The following ERBB4 variants were observed in gnomAD, a reference collection of about 807,000 sequenced individuals.
ERBB4 encodes the protein receptor tyrosine-protein kinase erbB-4.
In ERBB4, 42 loss-of-function variants were observed where a neutral mutation model predicts 158.0. That is an observed-to-expected ratio of 0.27 (90% CI 0.21 to 0.34). The LOEUF (loss-of-function observed/expected upper bound fraction) is 0.34. ERBB4 is among the 10% of genes least tolerant of loss of function. The probability of loss-of-function intolerance (pLI) is 1.00; values close to 1 mark genes in which losing one functional copy is unlikely to be tolerated. For missense variants in ERBB4, 1,333 were observed against 1,624.1 expected, an observed-to-expected ratio of 0.82 and a Z score of 3.08; for synonymous variants, 583 against 558.7, an observed-to-expected ratio of 1.04 and a Z score of -0.61.
At chr2:211,865,997 A>G (rs934432440) in intron 3 of ERBB4, among the ~76,000 whole-genome samples, 5 of 152,332 alleles carry the variant, frequency 3.3e-5, no homozygotes, top group South Asian at 2.1e-4. Context: ...GATAAAAACT[A>G]TCAGGAGAAT....
rs565058651 is a variant in ERBB4 at position 211,666,595 on chromosome 2, C to A, written c.1717-1118G>T. ...TCGTCAGAGCAAAGAAAATTTAGAA[C>A]ACTTTGGTAAATGCTATCTTTCTTA... On this transcript the variant is annotated intron_variant, in intron 14 of 27. Coordinates refer to ENST00000342788, the MANE Select transcript of ERBB4 (RefSeq NM_005235.3). Among the ~76,000 whole-genome samples the A allele has an allele frequency of 1.8e-3, 271 of 152,212 alleles. No individual in the cohort carries two copies. The Middle Eastern group carries it at 0.044, about 25-fold the overall frequency.
intron 5 of ERBB4, among the ~76,000 whole-genome samples, chr2:211,740,181 T>C (rs775410579): frequency 3.9e-5 from 6 of 152,202 alleles, no homozygotes; most frequent in Non-Finnish European, 7.4e-5. Context: ...GTGGTCATAA[T>C]GCTCTATCAG....
At chr2:211,697,328 A>G (rs2073064145) in intron 12 of ERBB4, among the ~76,000 whole-genome samples, 1 of 152,250 alleles carries the variant, frequency 6.6e-6, no homozygotes, top group East Asian at 1.9e-4. Flanking sequence ...AAATGTCAAG[A>G]TGTGTTAAAA....
intron 1 of ERBB4, among the ~76,000 whole-genome samples, chr2:212,257,594 T>C (rs1363039715): frequency 2.0e-5 from 3 of 152,258 alleles, no homozygotes; most frequent in African/African-American, 7.2e-5. Context: ...AAAATGTTAA[T>C]ACCCTAAGCA....
chr2:211,673,528 A>AAAAAAAAAAAAAAAAAAAAAAAAAG (rs1432231391), intron 13 of ERBB4, among the ~76,000 whole-genome samples: 2 of 149,882 alleles, frequency 1.3e-5, no homozygotes, highest in South Asian at 4.3e-4. Flanking sequence ...AAAAAAAAAA[A>AAAAAAAAAAAAAAAAAAAAAAAAAG]AAGCTACAAA....
rs1346080277 is a variant in ERBB4 at position 211,381,882 on chromosome 2, CTT to C, written c.*1731_*1732del. The C allele has an allele frequency of 1.3e-5, 3 of 228,988 alleles. No homozygotes were observed. The highest frequency in any genetic ancestry group is 2.6e-5 in the Non-Finnish European group (3 of 115,520). The allele number at this position is 228,988 out of a possible 1,614,324, so 14.2% of individuals were successfully genotyped here. A position where few individuals can be genotyped will look rare whatever the true frequency, so the allele number is the denominator to read the frequency against. On this transcript the variant is annotated 3_prime_UTR_variant, in exon 28 of 28. Coordinates refer to ENST00000342788, the MANE Select transcript of ERBB4 (RefSeq NM_005235.3). ...GGGTAGAATTTTCAGAAAAGGGCGA[CTT>C]ATATCTAAGTTTCCTAATTATTGAT... is the stretch of plus-strand genomic sequence containing the variant.
At chr2:211,693,224 T>C (rs775257047) in intron 12 of ERBB4, among the ~76,000 whole-genome samples, 1 of 152,108 alleles carries the variant, frequency 6.6e-6, no homozygotes, top group Non-Finnish European at 1.5e-5. Flanking sequence ...TCAGAAGAGA[T>C]ATGTGTCAAA....
intron 1 of ERBB4, among the ~76,000 whole-genome samples, chr2:212,208,522 A>C (rs2082834281): frequency 6.6e-6 from 1 of 152,190 alleles, no homozygotes; most frequent in Non-Finnish European, 1.5e-5. Flanking sequence ...GACACAACTG[A>C]GAATTTAGAG....
intron 2 of ERBB4, among the ~76,000 whole-genome samples, chr2:211,979,976 G>GTCT (rs1414939292): frequency 5.3e-5 from 8 of 151,980 alleles, no homozygotes; most frequent in African/African-American, 1.9e-4. Context: ...TTTAATATAT[G>GTCT]TCTTCAAATA....
At chr2:212,446,793 G>A (rs2106003192) in intron 1 of ERBB4, among the ~76,000 whole-genome samples, 1 of 149,702 alleles carries the variant, frequency 6.7e-6, no homozygotes, top group Non-Finnish European at 1.5e-5. Context: ...TTTACCAATG[G>A]ATGAAATGTA....
chr2:211,992,660 A>G (rs2082108182), intron 2 of ERBB4, among the ~76,000 whole-genome samples: 1 of 152,102 alleles, frequency 6.6e-6, no homozygotes, highest in African/African-American at 2.4e-5. Flanking sequence ...CTGCTCAAGC[A>G]TTCCTATGGA....
At chr2:212,463,617 AGC>A (rs1460120333) in intron 1 of ERBB4, among the ~76,000 whole-genome samples, 2 of 150,682 alleles carry the variant, frequency 1.3e-5, no homozygotes, top group African/African-American at 4.9e-5. Context: ...AAAGAAAAAA[AGC>A]CTCAGAAGAC....
At chr2:212,162,701 C>T (rs1459932316) in intron 1 of ERBB4, among the ~76,000 whole-genome samples, 2 of 151,574 alleles carry the variant, frequency 1.3e-5, no homozygotes, top group East Asian at 3.9e-4. Context: ...GGTTAGAGGG[C>T]AATAATGAGG....
Position 211,947,539 on chromosome 2 carries a change from A to C in ERBB4, c.312T>G (p.Ile104Met). 4 of 1,613,880 alleles carry C rather than the reference A, an allele frequency of 2.5e-6. No homozygotes were observed. Among genetic ancestry groups the C allele is most frequent in the Non-Finnish European group, 3.4e-6 (4 of 1,179,894 alleles). The change falls in exon 3 of 28, where the codon ATT becomes ATG. Residue 104 changes from isoleucine to methionine, a missense_variant. Physicochemically the swap from Ile to Met is conservative, Grantham distance 10. Transcript: ENST00000342788. ...FRYLPLENLR[I>M]IRGTKLYEDR... ...CCTCATAAAGTTTTGTCCCACGAAT[A>C]ATGCGTAAATTCTCCAGAGGCAGGT...
intron 2 of ERBB4, among the ~76,000 whole-genome samples, chr2:212,107,500 C>T (rs1395687272): frequency 6.6e-6 from 1 of 152,068 alleles, no homozygotes; most frequent in Non-Finnish European, 1.5e-5. Flanking sequence ...GGCTCATAGG[C>T]AGAAGGGACT....
chr2:211,685,943 A>G (rs534564375), intron 12 of ERBB4, among the ~76,000 whole-genome samples: 1 of 152,316 alleles, frequency 6.6e-6, no homozygotes, highest in East Asian at 1.9e-4. Context: ...TTCAGATACA[A>G]TTAAACTTTG....
At chr2:212,197,049 G>A (rs1163700319) in intron 1 of ERBB4, among the ~76,000 whole-genome samples, 1 of 151,984 alleles carries the variant, frequency 6.6e-6, no homozygotes, top group Admixed American at 6.6e-5. Context: ...TTGACCAGTT[G>A]CTGCCTGCTG....
At chr2:212,510,513 T>C (rs570127446) in intron 1 of ERBB4, among the ~76,000 whole-genome samples, 1 of 151,938 alleles carries the variant, frequency 6.6e-6, no homozygotes, top group Non-Finnish European at 1.5e-5. Flanking sequence ...TCCAATGATA[T>C]GATTTTACTG....
intron 1 of ERBB4, among the ~76,000 whole-genome samples, chr2:212,151,320 T>G (rs1416956878): frequency 2.0e-5 from 3 of 151,032 alleles, no homozygotes; most frequent in African/African-American, 7.3e-5. Context: ...TAGCAATATA[T>G]AAGTGCTTTG....
Sources: gnomAD v4.1 joint callset for allele counts (sites outside exome capture counted in the v4.1 genomes callset) on GRCh38, gnomAD v4.1.1 for gene constraint, MANE v1.5 for transcripts, NCBI Gene and HGNC (gene_info 2026-07-23, HGNC 2026-07-21) for gene names.